Variants in ELK4 observed in about 807,000 individuals in gnomAD.
The protein encoded by ELK4 is ETS transcription factor ELK4.
ELK4 carries 16 observed loss-of-function variants against 29.6 expected under a neutral mutation model. The ratio of observed to expected loss-of-function variants is 0.54; its 90% CI spans 0.37 to 0.82. ELK4 has a LOEUF of 0.82. ELK4 is among the 40% of genes least tolerant of loss of function. The pLI is 0.00. For missense variants in ELK4, 465 were observed against 507.1 expected (o/e 0.92, Z 0.80); for synonymous variants, 213 against 191.1 (o/e 1.11, Z -0.95).
Position 205,620,532 on chromosome 1 carries a change from C to G in ELK4, c.514G>C (p.Ala172Pro). The change falls in exon 3 of 5, where the codon GCC becomes CCC. Residue 172 changes from alanine (A) to proline (P), a missense_variant. By Grantham distance (27) the Ala-to-Pro change is conservative. Coordinates refer to ENST00000357992, the MANE Select transcript of ELK4 (RefSeq NM_001973.4). ...GATTTTTTCTCTGCCAGTTTCTCGG[C>G]TGGATTCTCAGTCTTTATCAATTTG... ...LFKLIKTENP[A>P]EKLAEKKSPQ... 1 of 1,614,152 alleles carries G rather than the reference C, an allele frequency of 6.2e-7. No homozygotes were observed. Among genetic ancestry groups the G allele is most frequent in the Non-Finnish European group, 8.5e-7 (1 of 1,180,034 alleles).
intron 2 of ELK4, among the ~76,000 whole-genome samples, chr1:205,623,157 C>CAAAAAAAAAAAAAAAAAAAA (rs547986684): frequency 1.3e-5 from 1 of 76,804 alleles, no homozygotes; most frequent in African/African-American, 4.5e-5. Context: ...GACTCCGTCT[C>CAAAAAAAAAAAAAAAAAAAA]AAAAAAAAAA....
At chr1:205,625,679 C>T (rs960603925) in intron 1 of ELK4, 88 of 693,274 alleles carry the variant, frequency 1.3e-4, no homozygotes, top group South Asian at 2.2e-4. Flanking sequence ...GCTGCTGCTT[C>T]TTTTTTTTTT....
At position 205,620,413 on chromosome 1, in the gene ELK4, G is replaced by A. The variant is rs1195588418; in HGVS notation, c.633C>T (p.Gly211=). 1 of 1,614,036 alleles carries A rather than the reference G, an allele frequency of 6.2e-7. No individual in the cohort carries two copies. The highest frequency in any genetic ancestry group is 1.3e-5 in the African/African-American group (1 of 74,920). The change falls in exon 3 of 5, where the codon GGC becomes GGT. Residue 211 remains glycine, a synonymous_variant. Coordinates refer to ENST00000357992, the MANE Select transcript of ELK4 (RefSeq NM_001973.4). ...VEPVAATISI[G]PSISPSSEET... The stretch of plus-strand genomic sequence containing the variant: ...CTTCTGAAGATGGAGAAATACTTGG[G>A]CCAATTGAAATGGTGGCAGCAACAG...
intron 3 of ELK4, chr1:205,619,345 T>C (rs1044914324): frequency 8.4e-6 from 9 of 1,070,002 alleles, no homozygotes; most frequent in Admixed American, 5.3e-5. Context: ...AGTTCTTTGG[T>C]GGTAAATTCT....
intron 1 of ELK4, chr1:205,625,417 G>T: frequency 1.9e-6 from 1 of 534,468 alleles, no homozygotes; most frequent in Non-Finnish European, 3.4e-6. Context: ...CACTATCACT[G>T]CCACCCACCT....
At position 205,613,075 on chromosome 1, in the gene ELK4, A is replaced by T. The variant is rs907004632; in HGVS notation, c.*3471T>A. The T allele has an allele frequency of 2.0e-5, 2 of 98,004 alleles. No individual in the cohort carries two copies. The highest frequency in any genetic ancestry group is 4.8e-5 in the Non-Finnish European group (2 of 41,720). 6.1% of individuals were successfully genotyped at this position (98,004 alleles called of 1,614,324 possible). ...TCCAGATTGTTTGTGCATACATTTAAAAAAAAAAAAATCAATGGAAATTTC... is the reference window on the plus strand; with the variant it reads ...TCCAGATTGTTTGTGCATACATTTATAAAAAAAAAAATCAATGGAAATTTC... On this transcript the variant is annotated 3_prime_UTR_variant, in exon 5 of 5. Coordinates refer to ENST00000357992, the MANE Select transcript of ELK4 (RefSeq NM_001973.4).
chr1:205,621,208 A>AG (rs1205459683), intron 2 of ELK4, among the ~76,000 whole-genome samples: 1 of 151,100 alleles, frequency 6.6e-6, no homozygotes, highest in Admixed American at 6.6e-5. Flanking sequence ...AAAAAAAAAA[A>AG]AAAAAAAAAA....
intron 3 of ELK4, 23 bp downstream of exon 3, chr1:205,619,943 A>G (rs1276837888): frequency 3.0e-5 from 49 of 1,614,134 alleles, no homozygotes; most frequent in Non-Finnish European, 3.6e-5. Flanking sequence ...CAATGGTGAC[A>G]CCATAAAGAG....
chr1:205,617,796 G>A (rs948634435), intron 4 of ELK4, among the ~76,000 whole-genome samples: 14 of 152,142 alleles, frequency 9.2e-5, no homozygotes, highest in Admixed American at 7.2e-4. Flanking sequence ...GGCTACTCGG[G>A]AGGCTGAGGC....
Position 205,610,863 on chromosome 1 carries a change from GAA to G in ELK4, c.*5681_*5682del, listed in dbSNP as rs1372169080. ...TAGGACAATAAATCAGAATGACTTG[GAA>G]AAAGAAATGGTCTAGTCTCCCAATT... On this transcript the variant is annotated 3_prime_UTR_variant, in exon 5 of 5. Coordinates refer to ENST00000357992, the MANE Select transcript of ELK4 (RefSeq NM_001973.4). The G allele has an allele frequency of 8.7e-6, 2 of 230,200 alleles. No homozygotes were observed. Among genetic ancestry groups the G allele is most frequent in the African/African-American group, 4.4e-5 (2 of 45,146 alleles). 14.3% of individuals were successfully genotyped at this position (230,200 alleles called of 1,614,324 possible).
Position 205,620,083 on chromosome 1 carries a change from T to C in ELK4, c.963A>G (p.Lys321=). The C allele has an allele frequency of 6.2e-7, 1 of 1,614,170 alleles. No homozygotes were observed. The highest frequency in any genetic ancestry group is 1.6e-4 in the Middle Eastern group (1 of 6,062). The change falls in exon 3 of 5, where the codon AAA becomes AAG. Residue 321 remains lysine, a synonymous_variant. Transcript: ENST00000357992. ...DKVNNSSRSK[K]PKGLELAPTL... ...TGGGTGCCAGTTCTAACCCTTTGGG[T>C]TTCTTGGATCTTGATGAATTATTTA...
At chr1:205,628,909 C>G (rs1364102647) in intron 1 of ELK4, among the ~76,000 whole-genome samples, 1 of 151,504 alleles carries the variant, frequency 6.6e-6, no homozygotes, top group Non-Finnish European at 1.5e-5. Flanking sequence ...TGCAGTGGCT[C>G]ACGCCTATAA....
At chr1:205,622,917 C>T (rs981244315) in intron 2 of ELK4, among the ~76,000 whole-genome samples, 1 of 152,116 alleles carries the variant, frequency 6.6e-6, no homozygotes, top group Non-Finnish European at 1.5e-5. Flanking sequence ...GCAGGTGGAT[C>T]ACCTCAAGTC....
At position 205,608,903 on chromosome 1, in the gene ELK4, T is replaced by G. The variant is rs1365187997; in HGVS notation, c.*7643A>C. On this transcript the variant is annotated 3_prime_UTR_variant, in exon 5 of 5. Coordinates refer to ENST00000357992, the MANE Select transcript of ELK4 (RefSeq NM_001973.4). ...CACATAAAATAACATATCTCTCCTG[T>G]GTTAACACTGATGGAGACGCACTGC... is the stretch of plus-strand genomic sequence containing the variant. The G allele has an allele frequency of 5.1e-6, 1 of 194,436 alleles. No individual in the cohort carries two copies. The highest frequency in any genetic ancestry group is 8.1e-5 in the East Asian group (1 of 12,302). 12.0% of individuals were successfully genotyped at this position (194,436 alleles called of 1,614,324 possible). A position where few individuals can be genotyped will look rare whatever the true frequency, so the allele number is the denominator to read the frequency against.
At position 205,616,048 on chromosome 1, in the gene ELK4, C is replaced by G. The variant is rs751371093; in HGVS notation, c.*498G>C. On this transcript the variant is annotated 3_prime_UTR_variant, in exon 5 of 5. Coordinates refer to ENST00000357992, the MANE Select transcript of ELK4 (RefSeq NM_001973.4). ...AGGAATGATTCTTCTTCTTCCACTG[C>G]TTAGGAACAGCTCACTTTAAGTCAT... 4 of 226,902 alleles carry G rather than the reference C, an allele frequency of 1.8e-5. No individual in the cohort carries two copies. Among genetic ancestry groups the G allele is most frequent in the Non-Finnish European group, 2.6e-5 (3 of 113,714 alleles). 14.1% of individuals were successfully genotyped at this position (226,902 alleles called of 1,614,324 possible). A position where few individuals can be genotyped will look rare whatever the true frequency, so the allele number is the denominator to read the frequency against.
chr1:205,627,360 T>C (rs535787960), intron 1 of ELK4, among the ~76,000 whole-genome samples: 5 of 151,806 alleles, frequency 3.3e-5, no homozygotes, highest in Non-Finnish European at 7.4e-5. Flanking sequence ...ATACAAAAAA[T>C]TAGCTGGGCG....
chr1:205,619,258 T>C, intron 3 of ELK4, 185 bp from the exon 4 acceptor site: 6 of 1,056,858 alleles, frequency 5.7e-6, no homozygotes, highest in Non-Finnish European at 7.1e-6. Flanking sequence ...ATAAAGGTGA[T>C]AATAACTACT....
At position 205,610,775 on chromosome 1, in the gene ELK4, GCACACACA is replaced by G. The variant is rs61639182; in HGVS notation, c.*5763_*5770del. On this transcript the variant is annotated 3_prime_UTR_variant, in exon 5 of 5. Transcript: ENST00000357992. ...TCCCTATGAAAACAGATTTACACGCGCACACACACACACACACACATTCAGTCAATACA... is the reference window on the plus strand; with the variant it reads ...TCCCTATGAAAACAGATTTACACGCGCACACACACACATTCAGTCAATACA... 5.1e-6 allele frequency: 1 copy of G among 197,842 alleles called. No individual in the cohort carries two copies. Among genetic ancestry groups the G allele is most frequent in the Admixed American group, 6.1e-5 (1 of 16,436 alleles). 12.3% of individuals were successfully genotyped at this position (197,842 alleles called of 1,614,324 possible). A position where few individuals can be genotyped will look rare whatever the true frequency, so the allele number is the denominator to read the frequency against.
At chr1:205,625,297 A>C (rs1670431038) in intron 1 of ELK4, among the ~76,000 whole-genome samples, 1 of 148,294 alleles carries the variant, frequency 6.7e-6, no homozygotes, top group African/African-American at 2.5e-5. Flanking sequence ...CTACGACTAA[A>C]AAAAAAAAAG....
Sources: allele counts gnomAD v4.1 joint callset (sites outside exome capture counted in the v4.1 genomes callset), GRCh38; gene constraint gnomAD v4.1.1; transcripts MANE v1.5; gene names NCBI Gene and HGNC (gene_info 2026-07-23, HGNC 2026-07-21).